The following NDRG1 variants were observed in gnomAD, a reference collection of about 807,000 sequenced individuals.
The protein encoded by NDRG1 is N-myc downstream regulated 1, also known as protein NDRG1.
Under a neutral mutation model 56.9 loss-of-function variants are expected in NDRG1, and 32 were observed. The ratio of observed to expected loss-of-function variants is 0.56; its 90% CI spans 0.42 to 0.76. NDRG1 has a LOEUF of 0.76. Ranked by LOEUF, NDRG1 falls within the 30% of genes least tolerant of loss-of-function variation. NDRG1 has a pLI of 0.00. For missense variants in NDRG1, 507 were observed against 545.7 expected, an observed-to-expected ratio of 0.93 and a Z score of 0.71; for synonymous variants, 211 against 204.1, an observed-to-expected ratio of 1.03 and a Z score of -0.29.
At chr8:133,275,017 C>G (rs1316099787) in intron 3 of NDRG1, among the ~76,000 whole-genome samples, 2 of 152,188 alleles carry the variant, frequency 1.3e-5, no homozygotes, top group African/African-American at 4.8e-5. Flanking sequence ...CCATGTGAAT[C>G]TGAGGTCAGA....
At chr8:133,263,999 CAATAAAGG>C (rs1856786091) in intron 4 of NDRG1, among the ~76,000 whole-genome samples, 2 of 149,834 alleles carry the variant, frequency 1.3e-5, no homozygotes, top group South Asian at 2.1e-4. Flanking sequence ...TATTATTATT[CAATAAAGG>C]AATAAAGGAA....
chr8:133,251,461 C>T (rs552331379), intron 9 of NDRG1, among the ~76,000 whole-genome samples: 7 of 152,306 alleles, frequency 4.6e-5, no homozygotes, highest in African/African-American at 1.7e-4. Flanking sequence ...TCAAAACCAA[C>T]TATAGCGATC....
intron 3 of NDRG1, among the ~76,000 whole-genome samples, chr8:133,270,368 G>A (rs1205852717): frequency 2.0e-5 from 3 of 152,164 alleles, no homozygotes; most frequent in African/African-American, 7.2e-5. Context: ...CCAAACATCT[G>A]TTGTTCCCTT....
chr8:133,273,955 G>C (rs1586469933), intron 3 of NDRG1, among the ~76,000 whole-genome samples: 1 of 152,130 alleles, frequency 6.6e-6, no homozygotes, highest in Admixed American at 6.5e-5. Flanking sequence ...GATGCTGGAG[G>C]CCTCTCAGCC....
At chr8:133,273,902 C>T (rs192666098) in intron 3 of NDRG1, among the ~76,000 whole-genome samples, 5 of 152,166 alleles carry the variant, frequency 3.3e-5, no homozygotes, top group Non-Finnish European at 5.9e-5. Context: ...ATACTCCCCC[C>T]CTCCCTACTC....
rs773977054 is a variant in NDRG1 at position 133,280,212 on chromosome 8, A to G, written c.99+20T>C. The G allele has an allele frequency of 6.2e-7, 1 of 1,613,718 alleles. No individual in the cohort carries two copies. Among genetic ancestry groups the G allele is most frequent in the African/African-American group, 1.3e-5 (1 of 74,920 alleles). On this transcript the variant is annotated intron_variant, in intron 3 of 15. Coordinates refer to ENST00000323851, the MANE Select transcript of NDRG1 (RefSeq NM_006096.4). ...AAGACGGGATGAGGAAGGGGAAGGA[A>G]AGCCACATCCTCTACTTGCCTGGAC...
intron 13 of NDRG1, among the ~76,000 whole-genome samples, chr8:133,245,202 G>A (rs1281987835): frequency 6.6e-6 from 1 of 152,168 alleles, no homozygotes; most frequent in Non-Finnish European, 1.5e-5. Flanking sequence ...CAGCACATTA[G>A]ACTGACGCTG....
At chr8:133,266,987 G>T (rs987098321) in intron 3 of NDRG1, among the ~76,000 whole-genome samples, 2 of 152,082 alleles carry the variant, frequency 1.3e-5, no homozygotes, top group Non-Finnish European at 2.9e-5. Flanking sequence ...AGGTTCCCCC[G>T]CAGCGTATGA....
chr8:133,259,407 T>A lies in NDRG1; in HGVS notation c.327-177A>T. ...TCCAAGACCCCTGCAGCACACTCTA[T>A]CAATTGCTTCCTACGCTCCAGGTCC... is the stretch of plus-strand genomic sequence containing the variant. On this transcript the variant is annotated intron_variant, in intron 5 of 15. Coordinates refer to ENST00000323851, the MANE Select transcript of NDRG1 (RefSeq NM_006096.4). The A allele has an allele frequency of 4.6e-6, 3 of 659,146 alleles. No homozygotes were observed. In the Admixed American group the frequency reaches 6.6e-5, roughly 14 times the overall value. The allele number at this position is 659,146 out of a possible 1,614,324, so 40.8% of individuals were successfully genotyped here.
rs572270834 is a variant in NDRG1 at position 133,242,060 on chromosome 8, A to C, written c.906T>G (p.Ala302=). 3.3e-5 allele frequency: 53 copies of C among 1,614,244 alleles called. 1 individual carries two copies. In the South Asian group the frequency reaches 5.8e-4, roughly 18 times the overall value. The change falls in exon 15 of 16, where the codon GCT becomes GCG. Residue 302 remains alanine, a synonymous_variant. Transcript: ENST00000323851. The stretch of plus-strand genomic sequence containing the variant: ...CCTGCACGAAGTACTTGAAGGCCTC[A>C]GCGAGCTTGGCCGGCTGCGAGAGAC... ...LPQISQPAKL[A]EAFKYFVQGM...
At chr8:133,281,814 C>G (rs1438952228) in intron 2 of NDRG1, among the ~76,000 whole-genome samples, 1 of 152,158 alleles carries the variant, frequency 6.6e-6, no homozygotes, top group Admixed American at 6.5e-5. Flanking sequence ...CAAGTGGAAA[C>G]AAACGTGGCT....
intron 8 of NDRG1, chr8:133,254,890 T>C: frequency 2.3e-6 from 1 of 439,718 alleles, no homozygotes; most frequent in Non-Finnish European, 4.2e-6. Context: ...TAGCTTACCC[T>C]GCTCCAAACA....
chr8:133,283,980 C>T (rs1318333522), intron 2 of NDRG1, among the ~76,000 whole-genome samples: 2 of 152,208 alleles, frequency 1.3e-5, no homozygotes, highest in Non-Finnish European at 2.9e-5. Context: ...AGGGGCCCAG[C>T]CCTCGATCCT....
chr8:133,260,462 G>T (rs1856606745), intron 5 of NDRG1, among the ~76,000 whole-genome samples: 1 of 152,196 alleles, frequency 6.6e-6, no homozygotes. Flanking sequence ...GTAAACTAGG[G>T]GGAAAATGCG....
intron 15 of NDRG1, chr8:133,239,321 T>C (rs1564277650): frequency 2.5e-6 from 2 of 809,468 alleles, no homozygotes; most frequent in Admixed American, 2.5e-5. Context: ...GGGAAGGAAC[T>C]GCCGCAATCA....
At position 133,250,536 on chromosome 8, in the gene NDRG1, A is replaced by G. The variant is rs980031699; in HGVS notation, c.602T>C (p.Met201Thr). The G allele has an allele frequency of 6.2e-7, 1 of 1,613,794 alleles. No homozygotes were observed. Among genetic ancestry groups the G allele is most frequent in the Admixed American group, 1.7e-5 (1 of 60,002 alleles). The part of the protein sequence containing the change: ...VVSHLFGKEE[M>T]QSNVEVVHTY... ...GTGGACCACTTCCACGTTACTCTGC[A>G]TTTCTTCCTGCATTTAGAGAGGTGA... The change falls in exon 10 of 16, where the codon ATG (methionine) becomes ACG (threonine). Residue 201 changes from methionine to threonine, a missense_variant. Coordinates refer to ENST00000323851, the MANE Select transcript of NDRG1 (RefSeq NM_006096.4).
chr8:133,271,778 TAAAAAAAAAAAAAAAA>T (rs66733314), intron 3 of NDRG1, among the ~76,000 whole-genome samples: 10 of 30,468 alleles, frequency 3.3e-4, no homozygotes, highest in African/African-American at 4.0e-4. Context: ...AGACCCTGTC[TAAAAAAAAAAAAAAAA>T]AAAAAAAAAA....
At position 133,238,477 on chromosome 8, in the gene NDRG1, G is replaced by A; in HGVS notation, c.*401C>T. 3.6e-6 allele frequency: 1 copy of A among 279,090 alleles called. No individual in the cohort carries two copies. Among genetic ancestry groups the A allele is most frequent in the Non-Finnish European group, 6.8e-6 (1 of 147,954 alleles). 17.3% of individuals were successfully genotyped at this position (279,090 alleles called of 1,614,324 possible). A position where few individuals can be genotyped will look rare whatever the true frequency, so the allele number is the denominator to read the frequency against. On this transcript the variant is annotated 3_prime_UTR_variant, in exon 16 of 16. Coordinates refer to ENST00000323851, the MANE Select transcript of NDRG1 (RefSeq NM_006096.4). ...CTTCTCCTCAGTTAAAGAGGAAACG[G>A]GAAGTGGGCGGCTGGCCTTCTGACC... is the stretch of plus-strand genomic sequence containing the variant.
intron 15 of NDRG1, chr8:133,239,467 C>G: frequency 2.2e-6 from 1 of 458,976 alleles, no homozygotes; most frequent in East Asian, 4.2e-5. Context: ...ATACTGACCC[C>G]TGGTATCAGC....
Sources: gnomAD v4.1 joint callset for allele counts (sites outside exome capture counted in the v4.1 genomes callset) on GRCh38, gnomAD v4.1.1 for gene constraint, MANE v1.5 for transcripts, NCBI Gene and HGNC (gene_info 2026-07-23, HGNC 2026-07-21) for gene names.